HIVEP3: variants seen among roughly 807,000 people sequenced by gnomAD.
The protein encoded by HIVEP3 is HIVEP zinc finger 3, also known as transcription factor HIVEP3.
A neutral mutation model predicts 152.8 loss-of-function variants in HIVEP3; 49 were observed. That is an observed-to-expected ratio of 0.32 (90% confidence interval 0.26 to 0.41). The LOEUF (loss-of-function observed/expected upper bound fraction) is 0.41, where lower values mean the gene tolerates loss of function less well. Among genes scored for constraint, HIVEP3 ranks in the 10% least tolerant of loss-of-function variants. The pLI is 1.00. For missense variants in HIVEP3, 2,790 were observed against 3,103.3 expected, an observed-to-expected ratio of 0.90 and a Z score of 2.40; for synonymous variants, 1,269 against 1,289.0, an observed-to-expected ratio of 0.98 and a Z score of 0.33.
At position 41,506,757 on chromosome 1, in the gene HIVEP3, A is replaced by G. The variant is rs1644387323; in HGVS notation, c.*3694T>C. On this transcript the variant is annotated 3_prime_UTR_variant, in exon 9 of 9. Transcript: ENST00000372583. ...ACATATCTACAGTACAATTTTTGGA[A>G]TGTATTGCCATTTAAGAACATAGAA... 1 of 152,172 alleles carries G rather than the reference A, an allele frequency of 6.6e-6. No homozygotes were observed. Among genetic ancestry groups the G allele is most frequent in the African/African-American group, 2.4e-5 (1 of 41,434 alleles). 9.4% of individuals were successfully genotyped at this position (152,172 alleles called of 1,614,324 possible).
intron 1 of HIVEP3, among the ~76,000 whole-genome samples, chr1:42,008,061 C>CATA (rs1406590738): frequency 6.6e-6 from 1 of 152,200 alleles, no homozygotes; most frequent in Non-Finnish European, 1.5e-5. Context: ...AAATTTACAT[C>CATA]ATATTCTGTT....
At chr1:41,712,788 C>T (rs567685183) in intron 1 of HIVEP3, among the ~76,000 whole-genome samples, 1 of 152,324 alleles carries the variant, frequency 6.6e-6, no homozygotes, top group African/African-American at 2.4e-5. Context: ...CCTCCATCCT[C>T]CCTGGGGAGA....
intron 1 of HIVEP3, among the ~76,000 whole-genome samples, chr1:41,879,043 C>T (rs1251909198): frequency 1.5e-5 from 2 of 134,682 alleles, no homozygotes; most frequent in Middle Eastern, 3.3e-3. Context: ...ATAATCCATG[C>T]ATAATGCAGG....
At chr1:41,753,317 T>C (rs1166815691) in intron 1 of HIVEP3, among the ~76,000 whole-genome samples, 1 of 152,208 alleles carries the variant, frequency 6.6e-6, no homozygotes, top group Non-Finnish European at 1.5e-5. Context: ...TGACTGTGTA[T>C]GAGTAATTCA....
At chr1:41,599,200 T>C (rs182157578) in intron 3 of HIVEP3, among the ~76,000 whole-genome samples, 1 of 152,198 alleles carries the variant, frequency 6.6e-6, no homozygotes, top group Admixed American at 6.5e-5. Flanking sequence ...CTATTGGATA[T>C]CCATATTAAA....
intron 1 of HIVEP3, among the ~76,000 whole-genome samples, chr1:41,887,720 G>C (rs1000399556): frequency 1.3e-5 from 2 of 152,100 alleles, no homozygotes; most frequent in African/African-American, 4.8e-5. Flanking sequence ...GACAAATCCC[G>C]ACTCTGTTAA....
chr1:41,789,336 C>T (rs1220418481), intron 1 of HIVEP3, among the ~76,000 whole-genome samples: 1 of 152,178 alleles, frequency 6.6e-6, no homozygotes, highest in Admixed American at 6.5e-5. Flanking sequence ...ATCTGCCTCA[C>T]AAAGTGACTG....
intron 1 of HIVEP3, among the ~76,000 whole-genome samples, chr1:41,872,553 T>C (rs749602649): frequency 2.0e-5 from 3 of 152,188 alleles, no homozygotes; most frequent in Non-Finnish European, 4.4e-5. Flanking sequence ...CCTGCTCTTA[T>C]CTCCCTCTAT....
At chr1:42,025,467 T>C (rs1236990524) in intron 1 of HIVEP3, among the ~76,000 whole-genome samples, 2 of 152,374 alleles carry the variant, frequency 1.3e-5, no homozygotes, top group Non-Finnish European at 2.9e-5. Flanking sequence ...TTTTTATTTG[T>C]CTCTGTACTC....
intron 1 of HIVEP3, among the ~76,000 whole-genome samples, chr1:41,860,401 T>G (rs184057632): frequency 6.6e-6 from 1 of 152,146 alleles, no homozygotes; most frequent in Non-Finnish European, 1.5e-5. Flanking sequence ...AAGCTATAAC[T>G]TTTTTCCCTG....
chr1:41,512,001 C>T (rs543250165), intron 8 of HIVEP3, among the ~76,000 whole-genome samples: 4 of 152,122 alleles, frequency 2.6e-5, no homozygotes, highest in South Asian at 4.2e-4. Context: ...TCTGAGAGCA[C>T]TGGTGACAGT....
chr1:41,937,429 T>C lies in HIVEP3; in HGVS notation n.120-18905A>G, dbSNP rs542042486. ...TCTAGGAAGACAATCTAGGTACTTA[T>C]CAAATTGAAACTGAGAGGATCGAAG... On this transcript the variant is annotated intron_variant and non_coding_transcript_variant, in intron 1 of 3. Coordinates refer to the HIVEP3 transcript ENST00000489103. Among the ~76,000 whole-genome samples, 8 of 152,280 alleles carry C rather than the reference T, an allele frequency of 5.3e-5. No individual in the cohort carries two copies. The East Asian group carries it at 1.5e-3, about 29-fold the overall frequency.
chr1:41,787,535 C>CTT (rs200281948), intron 1 of HIVEP3, among the ~76,000 whole-genome samples: 11 of 122,850 alleles, frequency 9.0e-5, no homozygotes, highest in Admixed American at 4.9e-4. Flanking sequence ...TTCTTTCTTT[C>CTT]TTTTTTTTTT....
intron 1 of HIVEP3, among the ~76,000 whole-genome samples, chr1:41,806,493 C>T (rs150406234): frequency 0.015 from 2,302 of 152,350 alleles, 32 homozygotes; most frequent in Non-Finnish European, 0.018. Flanking sequence ...ACAACTTCAC[C>T]TCCATAAGCC....
chr1:41,929,726 T>A (rs11210550), intron 1 of HIVEP3, among the ~76,000 whole-genome samples: 5,072 of 111,462 alleles, frequency 0.046, 384 homozygotes, highest in Non-Finnish European at 0.048. Flanking sequence ...ATATGTGTTT[T>A]TATATATATA....
intron 5 of HIVEP3, among the ~76,000 whole-genome samples, chr1:41,560,368 T>C (rs1254140381): frequency 6.6e-6 from 1 of 152,134 alleles, no homozygotes; most frequent in Non-Finnish European, 1.5e-5. Context: ...AGAGGGCAGG[T>C]CTTCAAGGAT....
intron 2 of HIVEP3, among the ~76,000 whole-genome samples, chr1:41,637,324 A>G (rs1363698767): frequency 6.6e-6 from 1 of 152,226 alleles, no homozygotes; most frequent in Non-Finnish European, 1.5e-5. Flanking sequence ...TGGGAACATA[A>G]CTTTTCTTAA....
At chr1:41,695,464 T>C (rs1469718543) in intron 2 of HIVEP3, among the ~76,000 whole-genome samples, 2 of 152,346 alleles carry the variant, frequency 1.3e-5, no homozygotes, top group East Asian at 3.9e-4. Context: ...GACTTGACTT[T>C]GTGCCTGGCC....
At chr1:41,697,944 C>T (rs1170564309) in intron 2 of HIVEP3, among the ~76,000 whole-genome samples, 8 of 152,208 alleles carry the variant, frequency 5.3e-5, no homozygotes, top group Admixed American at 5.2e-4. Context: ...TGTCTAGGCT[C>T]ACCCTGGCTA....
Sources: gnomAD v4.1 joint callset for allele counts (sites outside exome capture counted in the v4.1 genomes callset) on GRCh38, gnomAD v4.1.1 for gene constraint, MANE v1.5 for transcripts, NCBI Gene and HGNC (gene_info 2026-07-23, HGNC 2026-07-21) for gene names.